SORCS2: variants seen among roughly 807,000 people sequenced by gnomAD.
SORCS2 encodes VPS10 domain-containing receptor SorCS2.
Under a neutral mutation model 141.6 loss-of-function variants are expected in SORCS2, and 100 were observed. That is an observed-to-expected ratio of 0.71 (90% confidence interval 0.60 to 0.83). SORCS2 has a LOEUF of 0.83. Ranked by LOEUF, SORCS2 falls within the 40% of genes least tolerant of loss-of-function variation. The pLI is 0.00. For synonymous variants in SORCS2, 789 were observed against 676.9 expected (o/e 1.17, Z -2.57); for missense variants, 1,646 against 1,560.2 (o/e 1.05, Z -0.93).
At chr4:7,209,298 T>G (rs914842170) in intron 1 of SORCS2, among the ~76,000 whole-genome samples, 6 of 152,204 alleles carry the variant, frequency 3.9e-5, no homozygotes, top group African/African-American at 9.6e-5. Flanking sequence ...GCCGCTCACC[T>G]TGGGCCTTGC....
intron 1 of SORCS2, among the ~76,000 whole-genome samples, chr4:7,341,616 A>G (rs1024704141): frequency 1.3e-5 from 2 of 152,224 alleles, no homozygotes; most frequent in African/African-American, 4.8e-5. Flanking sequence ...TGACCCAGCC[A>G]CCATTTCCTG....
intron 2 of SORCS2, among the ~76,000 whole-genome samples, chr4:7,397,590 T>G (rs1279738853): frequency 1.3e-5 from 2 of 152,152 alleles, no homozygotes; most frequent in African/African-American, 2.4e-5. Context: ...CGGCCCCCCG[T>G]TGCTTTGTGT....
rs1716198814 is a variant in SORCS2, at chr4:7,286,023, G to T, written c.480+92897G>T. Among the ~76,000 whole-genome samples, 1 of 152,196 alleles carries T rather than the reference G, an allele frequency of 6.6e-6. No homozygotes were observed. The highest frequency in any genetic ancestry group is 2.4e-5 in the African/African-American group (1 of 41,452). On this transcript the variant is annotated intron_variant, in intron 1 of 26. Transcript: ENST00000507866. This position sits in a 1 kb window ranked among gnomAD's most constrained non-coding sequence, Gnocchi z 4.1. ...GGCACCGTGCTCCGTGCCCTGCCGA[G>T]AGCCAGCTGCCCCGCCGGGGGCTCC...
At chr4:7,720,479 G>A (rs547692178) in intron 18 of SORCS2, among the ~76,000 whole-genome samples, 1 of 152,186 alleles carries the variant, frequency 6.6e-6, no homozygotes, top group African/African-American at 2.4e-5. Flanking sequence ...CACACTGAAA[G>A]CCAGTCAAAA....
chr4:7,279,479 G>C (rs1213469703), intron 1 of SORCS2, among the ~76,000 whole-genome samples: 2 of 152,182 alleles, frequency 1.3e-5, no homozygotes, highest in Non-Finnish European at 2.9e-5. Flanking sequence ...CAATAAATGC[G>C]GTGGTCAGTT....
intron 2 of SORCS2, among the ~76,000 whole-genome samples, chr4:7,417,197 A>T (rs763710147): frequency 1.4e-4 from 21 of 152,224 alleles, no homozygotes; most frequent in Non-Finnish European, 2.8e-4. Context: ...ATCTGGGATT[A>T]TGCCGGCGGC....
At chr4:7,728,096 G>A (rs1285431303) in intron 21 of SORCS2, among the ~76,000 whole-genome samples, 1 of 152,178 alleles carries the variant, frequency 6.6e-6, no homozygotes, top group Non-Finnish European at 1.5e-5. Context: ...TTATGAGATG[G>A]CAGCCAGTGA....
At chr4:7,458,148 A>G (rs62277617) in intron 2 of SORCS2, among the ~76,000 whole-genome samples, 7,227 of 152,194 alleles carry the variant, frequency 0.047, 207 homozygotes, top group Non-Finnish European at 0.064. Flanking sequence ...GAAAGAGGGA[A>G]GATCTTGTGG....
intron 8 of SORCS2, among the ~76,000 whole-genome samples, chr4:7,667,741 T>C (rs1722584853): frequency 6.6e-6 from 1 of 152,220 alleles, no homozygotes; most frequent in Admixed American, 6.5e-5. Context: ...GCCTTTCCCT[T>C]GCCTTAGAAG....
At chr4:7,403,907 C>T (rs1289986895) in intron 2 of SORCS2, among the ~76,000 whole-genome samples, 1 of 142,662 alleles carries the variant, frequency 7.0e-6, no homozygotes, top group Non-Finnish European at 1.5e-5. Context: ...CCCCCCCGTA[C>T]CCCATCACAA....
intron 3 of SORCS2, among the ~76,000 whole-genome samples, chr4:7,566,748 C>A (rs1715047346): frequency 6.6e-6 from 1 of 152,230 alleles, no homozygotes; most frequent in South Asian, 2.1e-4. Flanking sequence ...AGTCACATGG[C>A]CTGGCTTACC....
chr4:7,726,466 A>G (rs1312319234), intron 20 of SORCS2, among the ~76,000 whole-genome samples: 3 of 152,116 alleles, frequency 2.0e-5, no homozygotes, highest in African/African-American at 7.2e-5. Context: ...GCCCAGCTAC[A>G]TGGGAGGCTG....
chr4:7,525,775 TC>T (rs200068557), intron 2 of SORCS2, among the ~76,000 whole-genome samples: 6 of 100,094 alleles, frequency 6.0e-5, no homozygotes, highest in South Asian at 3.8e-4. Context: ...ACCTGTCCCC[TC>T]CTGCAGTCAC....
intron 1 of SORCS2, among the ~76,000 whole-genome samples, chr4:7,198,507 G>A (rs1727298261): frequency 6.6e-6 from 1 of 152,176 alleles, no homozygotes; most frequent in Non-Finnish European, 1.5e-5. Flanking sequence ...TTGGGGTGGA[G>A]GCTGGATTGG....
intron 3 of SORCS2, among the ~76,000 whole-genome samples, chr4:7,602,206 T>G (rs901522432): frequency 2.6e-5 from 4 of 152,076 alleles, no homozygotes; most frequent in African/African-American, 4.8e-5. Context: ...ACGGGGTGGC[T>G]GCCGGGCAGA....
At chr4:7,597,815 CATTGGG>C (rs1214776346) in intron 3 of SORCS2, among the ~76,000 whole-genome samples, 1 of 151,880 alleles carries the variant, frequency 6.6e-6, no homozygotes, top group African/African-American at 2.4e-5. Context: ...AGTTTTCTTT[CATTGGG>C]AAGCAAAAGC....
chr4:7,580,043 T>C (rs983607470), intron 3 of SORCS2, among the ~76,000 whole-genome samples: 2 of 152,170 alleles, frequency 1.3e-5, no homozygotes. Context: ...GGTATATAAA[T>C]TGTAAATGGG....
chr4:7,360,253 T>G (rs1721500080), intron 1 of SORCS2, among the ~76,000 whole-genome samples: 1 of 152,224 alleles, frequency 6.6e-6, no homozygotes, highest in South Asian at 2.1e-4. Flanking sequence ...CGAAGAGGCA[T>G]TCTTTCCATT....
chr4:7,315,680 G>T (rs904681393), intron 1 of SORCS2, among the ~76,000 whole-genome samples: 2 of 152,216 alleles, frequency 1.3e-5, no homozygotes, highest in African/African-American at 4.8e-5. Flanking sequence ...CAGCCCAAAT[G>T]TCACCTCTTC....
Sources: gnomAD v4.1 joint callset for allele counts (sites outside exome capture counted in the v4.1 genomes callset) on GRCh38, gnomAD v4.1.1 for gene constraint, Gnocchi (gnomAD v3.1) non-coding constraint, MANE v1.5 for transcripts, NCBI Gene and HGNC (gene_info 2026-07-23, HGNC 2026-07-21) for gene names.